The following RRAS2 variants were observed in gnomAD, a reference collection of about 807,000 sequenced individuals.
RRAS2 encodes RAS related 2, also known as ras-related protein R-Ras2.
Under a neutral mutation model 27.6 loss-of-function variants are expected in RRAS2, and 7 were observed. That is an observed-to-expected ratio of 0.25 (90% confidence interval 0.14 to 0.48). The LOEUF is 0.48. Ranked by LOEUF, RRAS2 falls within the 20% of genes least tolerant of loss-of-function variation. The probability of loss-of-function intolerance (pLI) is 0.99; values close to 1 mark genes in which losing one functional copy is unlikely to be tolerated. For synonymous variants in RRAS2, 86 were observed against 90.9 expected, an observed-to-expected ratio of 0.95 and a Z score of 0.31; for missense variants, 178 against 256.2, an observed-to-expected ratio of 0.69 and a Z score of 2.08.
chr11:14,334,027 G>C (rs1328004078), intron 1 of RRAS2, among the ~76,000 whole-genome samples: 1 of 152,102 alleles, frequency 6.6e-6, no homozygotes, highest in Non-Finnish European at 1.5e-5. Context: ...TGACCACATA[G>C]GTGATTTCTA....
chr11:14,284,590 G>C (rs1554944787), intron 4 of RRAS2, among the ~76,000 whole-genome samples: 3 of 152,120 alleles, frequency 2.0e-5, no homozygotes, highest in Non-Finnish European at 4.4e-5. Flanking sequence ...ATCGAGAGGG[G>C]TATTGAAGTC....
chr11:14,337,204 ACC>A (rs1848605696), intron 1 of RRAS2: 2 of 152,250 alleles, frequency 1.3e-5, no homozygotes, highest in Non-Finnish European at 2.9e-5. Flanking sequence ...CAAATTGTTT[ACC>A]ATTCTGAGTA....
chr11:14,311,227 C>A (rs1554948814), intron 1 of RRAS2, among the ~76,000 whole-genome samples: 1 of 152,076 alleles, frequency 6.6e-6, no homozygotes, highest in African/African-American at 2.4e-5. Flanking sequence ...CACCTATAAT[C>A]CAGCTACTCT....
chr11:14,279,464 G>A, intron 5 of RRAS2, 40 bp from the exon 6 acceptor site: 1 of 1,370,090 alleles, frequency 7.3e-7, no homozygotes, highest in Non-Finnish European at 1.0e-6. Context: ...TGCCTTCTTG[G>A]TAATCTACTA....
intron 4 of RRAS2, among the ~76,000 whole-genome samples, chr11:14,291,885 A>G (rs1847403873): frequency 6.6e-6 from 1 of 152,172 alleles, no homozygotes. Flanking sequence ...TTGATTTTAG[A>G]ATACTGTATT....
intron 4 of RRAS2, 36 bp from the exon 5 acceptor site, chr11:14,281,756 T>C: frequency 6.6e-7 from 1 of 1,511,314 alleles, no homozygotes; most frequent in Non-Finnish European, 9.0e-7. Context: ...GGTACATTAT[T>C]AACAACTGGA....
At chr11:14,279,569 C>A (rs1250841074) in intron 5 of RRAS2, 145 bp from the exon 6 acceptor site, 1 of 658,560 alleles carries the variant, frequency 1.5e-6, no homozygotes, top group Non-Finnish European at 2.6e-6. Context: ...TCTTTCCTAC[C>A]CCCACCAAAA....
intron 1 of RRAS2, among the ~76,000 whole-genome samples, chr11:14,315,267 C>T (rs1458447565): frequency 6.6e-6 from 1 of 152,172 alleles, no homozygotes; most frequent in Non-Finnish European, 1.5e-5. Context: ...TCAACAGTTA[C>T]AAATCACGCT....
At position 14,333,515 on chromosome 11, in the gene RRAS2, TCCA is replaced by T. The variant is rs1221546357; in HGVS notation, c.108+25245_108+25247del. On this transcript the variant is annotated intron_variant, in intron 1 of 5. Coordinates refer to ENST00000256196, the MANE Select transcript of RRAS2 (RefSeq NM_012250.6). ...AAAAATAATTAAAATCATCCATAAT[TCCA>T]CCATCTAAGGATGCCCACTCTTAGC... Among the ~76,000 whole-genome samples the T allele has an allele frequency of 2.6e-5, 4 of 152,188 alleles. No individual in the cohort carries two copies. The South Asian group carries it at 6.2e-4, about 24-fold the overall frequency.
chr11:14,342,100 A>AGGTTTCACCC, intron 1 of RRAS2: 1 of 332,616 alleles, frequency 3.0e-6, no homozygotes, highest in Non-Finnish European at 4.6e-6. Context: ...CTTTTGGGTG[A>AGGTTTCACCC]AACCTCACCC....
In RRAS2 at chr11:14,283,617, T is replaced by C. The variant is rs191454053; in HGVS notation, c.409-1897A>G. ...GTACTACTGATATTATCTTTTTTTTTCCCTTGAGTGAATTTTGGTAGTTTG... is the reference window on the plus strand; with the variant it reads ...GTACTACTGATATTATCTTTTTTTTCCCCTTGAGTGAATTTTGGTAGTTTG... On this transcript the variant is annotated intron_variant, in intron 4 of 5. Transcript: ENST00000256196. Among the ~76,000 whole-genome samples the C allele has an allele frequency of 9.8e-3, 1,490 of 152,338 alleles. 8 individuals carry two copies. The highest frequency in any genetic ancestry group is 0.014 in the Admixed American group (216 of 15,296).
rs185677839 is a variant in RRAS2, at chr11:14,349,301, G to A, written c.108+9462C>T. On this transcript the variant is annotated intron_variant, in intron 1 of 5. Coordinates refer to ENST00000256196, the MANE Select transcript of RRAS2 (RefSeq NM_012250.6). ...TGAGTAGCTAGGACTATAGGCACCC[G>A]CCACCACACCCGGCTAATTTTTTTT... 2.4e-3 allele frequency among the ~76,000 whole-genome samples: 360 copies of A among 151,024 alleles called. 14 individuals are homozygous for A. The East Asian group carries it at 0.05, about 21-fold the overall frequency.
In RRAS2 at chr11:14,317,093, G is replaced by A. The variant is rs1848124490; in HGVS notation, c.109-21238C>T. ...TGTGGTAAGAGTAAATTTAGAAAAA[G>A]GTACTATGGAGGCATAGATGTTAAT... On this transcript the variant is annotated intron_variant, in intron 1 of 5. Transcript: ENST00000256196. Among the ~76,000 whole-genome samples the A allele has an allele frequency of 2.0e-5, 3 of 152,192 alleles. No homozygotes were observed. The South Asian group carries it at 6.2e-4, about 32-fold the overall frequency.
At chr11:14,303,509 G>T (rs1591456303) in intron 1 of RRAS2, among the ~76,000 whole-genome samples, 1 of 152,212 alleles carries the variant, frequency 6.6e-6, no homozygotes, top group Non-Finnish European at 1.5e-5. Context: ...GGCAGAGGCA[G>T]GAGGACTGCT....
At chr11:14,290,045 G>C (rs990869812) in intron 4 of RRAS2, among the ~76,000 whole-genome samples, 1 of 152,122 alleles carries the variant, frequency 6.6e-6, no homozygotes, top group African/African-American at 2.4e-5. Context: ...CTGAACAGGC[G>C]GAAAGAAGCT....
rs1195345518 is a variant in RRAS2 at position 14,278,465 on chromosome 11, T to C, written c.*872A>G. On this transcript the variant is annotated 3_prime_UTR_variant, in exon 6 of 6. Coordinates refer to ENST00000256196, the MANE Select transcript of RRAS2 (RefSeq NM_012250.6). Reference sequence around the variant, plus strand: ...GTTAACTAGTTTGATAAGAAAATAATGTATAAAAGTATATAGCAAAAACAT... The same window carrying C: ...GTTAACTAGTTTGATAAGAAAATAACGTATAAAAGTATATAGCAAAAACAT... 2 of 152,242 alleles carry C rather than the reference T, an allele frequency of 1.3e-5. No individual in the cohort carries two copies. The highest frequency in any genetic ancestry group is 2.4e-5 in the African/African-American group (1 of 41,468). 9.4% of individuals were successfully genotyped at this position (152,242 alleles called of 1,614,324 possible). A position where few individuals can be genotyped will look rare whatever the true frequency, so the allele number is the denominator to read the frequency against.
At chr11:14,335,746 T>C (rs1554952480) in intron 1 of RRAS2, among the ~76,000 whole-genome samples, 18 of 152,198 alleles carry the variant, frequency 1.2e-4, no homozygotes, top group Non-Finnish European at 2.9e-5. Flanking sequence ...AAACCAACAC[T>C]GTGGTGAGTT....
chr11:14,287,095 G>C (rs1180632456), intron 4 of RRAS2, among the ~76,000 whole-genome samples: 1 of 152,118 alleles, frequency 6.6e-6, no homozygotes, highest in African/African-American at 2.4e-5. Flanking sequence ...TTCCCCCTAA[G>C]TGTTGGTGCT....
chr11:14,307,075 T>C (rs1369795005), intron 1 of RRAS2, among the ~76,000 whole-genome samples: 1 of 151,748 alleles, frequency 6.6e-6, no homozygotes, highest in Non-Finnish European at 1.5e-5. Flanking sequence ...CCTGTGGTCC[T>C]AGCTATGTGG....
Sources: allele counts gnomAD v4.1 joint callset (sites outside exome capture counted in the v4.1 genomes callset), GRCh38; gene constraint gnomAD v4.1.1; transcripts MANE v1.5; gene names NCBI Gene and HGNC (gene_info 2026-07-23, HGNC 2026-07-21).